Variants in WDPCP observed in about 807,000 individuals in gnomAD.
The protein encoded by WDPCP is WD repeat-containing and planar cell polarity effector protein fritz homolog.
Under a neutral mutation model 93.1 loss-of-function variants are expected in WDPCP, and 71 were observed. The observed-to-expected ratio is 0.76, with a 90% CI of 0.63 to 0.93. The LOEUF (loss-of-function observed/expected upper bound fraction) is 0.93, where lower values mean the gene tolerates loss of function less well. WDPCP is among the 40% of genes least tolerant of loss of function. WDPCP has a pLI of 0.00. For synonymous variants in WDPCP, 315 were observed against 315.0 expected (o/e 1.00, Z 0.00); for missense variants, 844 against 887.4 (o/e 0.95, Z 0.62).
chr2:63,206,077 T>C (rs191453853), intron 14 of WDPCP, among the ~76,000 whole-genome samples: 1 of 152,316 alleles, frequency 6.6e-6, no homozygotes, highest in East Asian at 1.9e-4. Flanking sequence ...CAAATGAAAA[T>C]GATCATACGG....
intron 14 of WDPCP, among the ~76,000 whole-genome samples, chr2:63,247,828 A>G (rs1328681835): frequency 6.6e-6 from 1 of 151,804 alleles, no homozygotes; most frequent in Non-Finnish European, 1.5e-5. Context: ...TTTTTTACAT[A>G]TAGGCTTTTT....
chr2:63,630,585 C>T (rs577473554), intron 3 of WDPCP, among the ~76,000 whole-genome samples: 1 of 152,062 alleles, frequency 6.6e-6, no homozygotes, highest in East Asian at 1.9e-4. Context: ...AGCAATCCTA[C>T]ATATGTATGC....
chr2:63,686,108 G>A (rs753294455), intron 2 of WDPCP, among the ~76,000 whole-genome samples: 14 of 152,114 alleles, frequency 9.2e-5, no homozygotes, highest in Non-Finnish European at 1.6e-4. Context: ...CTTCACTAGA[G>A]CAATCAGACA....
At position 63,772,817 on chromosome 2, in the gene WDPCP, G is replaced by T. The variant is rs552310284; in HGVS notation, n.308+40805C>A. Among the ~76,000 whole-genome samples the T allele has an allele frequency of 2.0e-5, 3 of 152,062 alleles. No individual in the cohort carries two copies. The South Asian group carries it at 6.2e-4, about 32-fold the overall frequency. ...AAGTAAACTTCATTAAGCTGATAAA[G>T]AGTAGTTACAAAATACCTACAGTAA... On this transcript the variant is annotated intron_variant and non_coding_transcript_variant, in intron 2 of 4. Transcript: ENST00000467687.
intron 14 of WDPCP, among the ~76,000 whole-genome samples, chr2:63,236,200 G>C (rs1428641430): frequency 1.3e-5 from 2 of 152,082 alleles, no homozygotes; most frequent in African/African-American, 2.4e-5. Context: ...TTCAAGCTGA[G>C]AGCCAAGTCA....
At chr2:63,652,106 T>C (rs541961461) in intron 2 of WDPCP, among the ~76,000 whole-genome samples, 5 of 152,254 alleles carry the variant, frequency 3.3e-5, no homozygotes, top group African/African-American at 4.8e-5. Context: ...TATTGAAAGA[T>C]GCAAGTGGCC....
intron 2 of WDPCP, among the ~76,000 whole-genome samples, chr2:63,674,273 T>C (rs1016058298): frequency 6.6e-6 from 1 of 152,226 alleles, no homozygotes. Context: ...GATTACTATA[T>C]AGACCTATGT....
intron 2 of WDPCP, among the ~76,000 whole-genome samples, chr2:63,787,205 A>C (rs1335432133): frequency 6.6e-6 from 1 of 152,224 alleles, no homozygotes; most frequent in African/African-American, 2.4e-5. Context: ...TAGGAATTGG[A>C]GGGAAGAATC....
In WDPCP at chr2:63,572,781, T is replaced by C. The variant is rs890974276; in HGVS notation, c.75+15416A>G. On this transcript the variant is annotated intron_variant, in intron 1 of 17. Transcript: ENST00000272321. ...GTAAAGAGGGCAAAATCATGCAATA[T>C]GAGAAATTTGTAAAAATAACTTGTC... is the stretch of plus-strand genomic sequence containing the variant. 2.7e-5 allele frequency among the ~76,000 whole-genome samples: 4 copies of C among 147,616 alleles called. No homozygotes were observed. In the East Asian group the frequency reaches 8.1e-4, roughly 30 times the overall value.
At chr2:63,717,791 A>C (rs1669359102) in intron 2 of WDPCP, 2 of 312,006 alleles carry the variant, frequency 6.4e-6, no homozygotes, top group Admixed American at 8.6e-5. Flanking sequence ...TTGGGGTGTC[A>C]TAAGCAGTGG....
intron 14 of WDPCP, among the ~76,000 whole-genome samples, chr2:63,183,253 C>T (rs1262556823): frequency 1.3e-5 from 2 of 151,764 alleles, no homozygotes; most frequent in East Asian, 3.9e-4. Context: ...TGTTCTTTGG[C>T]TGTAAGCATT....
At chr2:63,597,865 TG>T (rs1357538149) in intron 3 of WDPCP, 2 of 197,482 alleles carry the variant, frequency 1.0e-5, no homozygotes, top group Non-Finnish European at 2.0e-5. Context: ...GGTGCATTTT[TG>T]CTGCGTGGGA....
At chr2:63,527,672 G>A (rs1703454226) in intron 1 of WDPCP, among the ~76,000 whole-genome samples, 2 of 152,048 alleles carry the variant, frequency 1.3e-5, no homozygotes, top group South Asian at 2.1e-4. Flanking sequence ...TAGTGCCGCA[G>A]TAAACATACG....
chr2:63,148,038 G>A (rs1396625598), intron 17 of WDPCP, among the ~76,000 whole-genome samples: 3 of 151,168 alleles, frequency 2.0e-5, no homozygotes, highest in African/African-American at 7.3e-5. Context: ...AATAAAAAGT[G>A]ATATTTATGG....
chr2:63,599,342 T>G (rs951879805), intron 3 of WDPCP: 1 of 1,558,252 alleles, frequency 6.4e-7, no homozygotes, highest in Non-Finnish European at 8.7e-7. Context: ...TTAAAACATT[T>G]TTCTCTCACT....
intron 3 of WDPCP, among the ~76,000 whole-genome samples, chr2:63,647,295 G>A (rs1005353568): frequency 4.6e-5 from 7 of 152,042 alleles, no homozygotes; most frequent in Non-Finnish European, 1.0e-4. Context: ...CCGCCACCAC[G>A]CCCAGCTAAT....
chr2:63,184,331 G>A (rs1006267332), intron 14 of WDPCP, among the ~76,000 whole-genome samples: 1 of 151,750 alleles, frequency 6.6e-6, no homozygotes. Context: ...TTATAGTTTT[G>A]TGTATTTTTT....
At chr2:63,605,208 C>T (rs982793817) in intron 3 of WDPCP, 10 of 996,380 alleles carry the variant, frequency 1.0e-5, no homozygotes, top group African/African-American at 1.6e-5. Context: ...ACCCCAAGGT[C>T]GACTTGGAAT....
intron 1 of WDPCP, among the ~76,000 whole-genome samples, chr2:63,575,389 G>GATATATACA (rs1558831597): frequency 8.0e-5 from 2 of 24,924 alleles, no homozygotes; most frequent in Admixed American, 5.3e-4. Flanking sequence ...GTATATACAC[G>GATATATACA]GTATATACAG....
Sources: gnomAD v4.1 joint callset for allele counts (sites outside exome capture counted in the v4.1 genomes callset) on GRCh38, gnomAD v4.1.1 for gene constraint, MANE v1.5 for transcripts, NCBI Gene and HGNC (gene_info 2026-07-23, HGNC 2026-07-21) for gene names.